The following PDE4D variants were observed in gnomAD, a reference collection of about 807,000 sequenced individuals.
The protein encoded by PDE4D is 3',5'-cyclic-AMP phosphodiesterase 4D.
PDE4D carries 24 observed loss-of-function variants against 87.4 expected under a neutral mutation model. The observed-to-expected ratio is 0.27, with a 90% CI of 0.20 to 0.39. The LOEUF is 0.39. PDE4D is among the 10% of genes least tolerant of loss of function. The probability of loss-of-function intolerance (pLI) is 1.00; values close to 1 mark genes in which losing one functional copy is unlikely to be tolerated. For missense variants in PDE4D, 714 were observed against 1,041.0 expected (o/e 0.69, Z 4.32); for synonymous variants, 384 against 383.2 (o/e 1.00, Z -0.02).
chr5:59,989,961 A>G (rs2152831581), intron 2 of PDE4D, among the ~76,000 whole-genome samples: 1 of 152,310 alleles, frequency 6.6e-6, no homozygotes. Context: ...TACAAGAATT[A>G]AATGAGATCA....
At chr5:59,030,653 C>T (rs1471789554) in intron 6 of PDE4D, among the ~76,000 whole-genome samples, 1 of 151,902 alleles carries the variant, frequency 6.6e-6, no homozygotes, top group East Asian at 1.9e-4. Flanking sequence ...GATCATTGAG[C>T]CCGAGAATTT....
intron 1 of PDE4D, among the ~76,000 whole-genome samples, chr5:59,700,082 G>T (rs1222593802): frequency 6.6e-6 from 1 of 152,130 alleles, no homozygotes; most frequent in Non-Finnish European, 1.5e-5. Context: ...CCTGCACAAT[G>T]AAATTGCATA....
intron 2 of PDE4D, among the ~76,000 whole-genome samples, chr5:60,102,866 C>A (rs1163677594): frequency 6.6e-6 from 1 of 151,938 alleles, no homozygotes; most frequent in Non-Finnish European, 1.5e-5. Flanking sequence ...AAACAGTCAA[C>A]TGAATACCAG....
chr5:59,984,810 A>G (rs1294396762), intron 3 of PDE4D, among the ~76,000 whole-genome samples: 1 of 152,202 alleles, frequency 6.6e-6, no homozygotes, highest in Non-Finnish European at 1.5e-5. Flanking sequence ...TGACAAAGAA[A>G]GTATCTGGCA....
At chr5:59,406,395 TCCCCC>T (rs3061708) in intron 1 of PDE4D, among the ~76,000 whole-genome samples, 18 of 33,234 alleles carry the variant, frequency 5.4e-4, no homozygotes, top group South Asian at 1.8e-3. Context: ...TATCTTTCCT[TCCCCC>T]CCCCCCCCCC....
At chr5:59,830,534 G>A (rs1035516744) in intron 1 of PDE4D, among the ~76,000 whole-genome samples, 40 of 152,028 alleles carry the variant, frequency 2.6e-4, no homozygotes, top group Non-Finnish European at 5.3e-4. Context: ...AGATTAACAG[G>A]TAAAGATTAC....
At chr5:59,513,838 T>C (rs1158602469) in intron 1 of PDE4D, among the ~76,000 whole-genome samples, 1 of 152,182 alleles carries the variant, frequency 6.6e-6, no homozygotes, top group Non-Finnish European at 1.5e-5. Context: ...CCCATGTTTC[T>C]GAAGTTCGCT....
At chr5:60,394,877 C>T (rs746018762) in intron 1 of PDE4D, among the ~76,000 whole-genome samples, 2 of 152,214 alleles carry the variant, frequency 1.3e-5, no homozygotes, top group African/African-American at 4.8e-5. Context: ...GGGTTTTCCA[C>T]ATCTTGCTCC....
At chr5:60,515,708 C>T (rs374830776) in intron 1 of PDE4D, among the ~76,000 whole-genome samples, 8 of 147,212 alleles carry the variant, frequency 5.4e-5, no homozygotes, top group Middle Eastern at 3.6e-3. Flanking sequence ...GTGGATAGTG[C>T]GTAAGAACTC....
chr5:59,716,754 T>C, intron 1 of PDE4D, among the ~76,000 whole-genome samples: 1 of 152,324 alleles, frequency 6.6e-6, no homozygotes, highest in African/African-American at 2.4e-5. Flanking sequence ...TCCGTCTTCA[T>C]TGGTATGTTC....
intron 1 of PDE4D, among the ~76,000 whole-genome samples, chr5:60,439,605 G>A (rs958642394): frequency 6.6e-6 from 1 of 152,120 alleles, no homozygotes; most frequent in African/African-American, 2.4e-5. Context: ...CAACATCCAT[G>A]TAGATGTTTG....
At chr5:60,374,567 G>A (rs1036263062) in intron 1 of PDE4D, among the ~76,000 whole-genome samples, 1 of 152,148 alleles carries the variant, frequency 6.6e-6, no homozygotes. Flanking sequence ...CTATTCAACA[G>A]TGCTTTCATA....
intron 1 of PDE4D, among the ~76,000 whole-genome samples, chr5:59,424,309 G>A (rs1794900440): frequency 6.6e-6 from 1 of 152,186 alleles, no homozygotes; most frequent in Admixed American, 6.5e-5. Context: ...ATAATTTGAA[G>A]TTTTGTTTAA....
intron 1 of PDE4D, among the ~76,000 whole-genome samples, chr5:60,234,343 C>T (rs1240580130): frequency 4.6e-5 from 7 of 151,748 alleles, no homozygotes; most frequent in Non-Finnish European, 1.5e-5. Flanking sequence ...TGTCACCTCA[C>T]TTGTTGATAG....
chr5:59,328,138 C>T (rs721826), intron 1 of PDE4D, among the ~76,000 whole-genome samples: 7,831 of 152,124 alleles, frequency 0.051, 437 homozygotes, highest in East Asian at 0.29. Flanking sequence ...ATTAAACTAA[C>T]CTTTAAAAGC....
upstream of PDE4D, among the ~76,000 whole-genome samples, chr5:59,896,087 C>T (rs1751607996): frequency 6.6e-6 from 1 of 152,126 alleles, no homozygotes; most frequent in African/African-American, 2.4e-5. Flanking sequence ...TTTGAGGTTA[C>T]AGCTTGAGTT....
intron 1 of PDE4D, among the ~76,000 whole-genome samples, chr5:59,253,040 T>C (rs1345052338): frequency 2.0e-5 from 3 of 152,182 alleles, no homozygotes; most frequent in Non-Finnish European, 1.5e-5. Flanking sequence ...TCACATTCTC[T>C]AGTCACATTA....
intron 3 of PDE4D, among the ~76,000 whole-genome samples, chr5:59,922,103 G>A (rs1754741558): frequency 6.6e-6 from 1 of 152,118 alleles, no homozygotes; most frequent in Non-Finnish European, 1.5e-5. Context: ...CTGTCACAGT[G>A]GAAAGCAACA....
intron 1 of PDE4D, among the ~76,000 whole-genome samples, chr5:59,301,697 G>T (rs939750142): frequency 6.6e-6 from 1 of 151,964 alleles, no homozygotes; most frequent in Non-Finnish European, 1.5e-5. Flanking sequence ...AGAGAGAGAA[G>T]AAATGGGAGA....
Sources: allele counts gnomAD v4.1 joint callset (sites outside exome capture counted in the v4.1 genomes callset), GRCh38; gene constraint gnomAD v4.1.1; transcripts MANE v1.5; gene names NCBI Gene and HGNC (gene_info 2026-07-23, HGNC 2026-07-21).